PARVG: variants seen among roughly 807,000 people sequenced by gnomAD.
PARVG encodes parvin gamma, also known as gamma-parvin.
A neutral mutation model predicts 44.4 loss-of-function variants in PARVG; 36 were observed. The ratio of observed to expected loss-of-function variants is 0.81; its 90% CI spans 0.62 to 1.07. PARVG has a LOEUF of 1.07. PARVG is among the 50% of genes least tolerant of loss of function. The probability of loss-of-function intolerance (pLI) is 0.00; values close to 1 mark genes in which losing one functional copy is unlikely to be tolerated. For missense variants in PARVG, 407 were observed against 407.4 expected, an observed-to-expected ratio of 1.00 and a Z score of 0.01; for synonymous variants, 170 against 174.1, an observed-to-expected ratio of 0.98 and a Z score of 0.19.
At chr22:44,200,480 C>A (rs1240603952) in intron 12 of PARVG, among the ~76,000 whole-genome samples, 1 of 152,190 alleles carries the variant, frequency 6.6e-6, no homozygotes, top group Non-Finnish European at 1.5e-5. Context: ...CCCTAGTATC[C>A]CCAGGCTTGC....
Position 44,181,111 on chromosome 22 carries a change from G to T in PARVG, c.-263G>T, listed in dbSNP as rs750599255. 113 of 537,318 alleles carry T rather than the reference G, an allele frequency of 2.1e-4. No homozygotes were observed. The highest frequency in any genetic ancestry group is 2.6e-4 in the Non-Finnish European group (111 of 420,462). 33.3% of individuals were successfully genotyped at this position (537,318 alleles called of 1,614,324 possible). ...CCATTCTCCTCTGGAAAGCCTTCCC[G>T]ATCCCCTTGGCAACAACCACCACCA... On this transcript the variant is annotated 5_prime_UTR_variant, in exon 1 of 14. Transcript: ENST00000444313.
Position 44,196,218 on chromosome 22 carries a change from G to A in PARVG, c.642+5G>A. The A allele has an allele frequency of 6.2e-7, 1 of 1,614,176 alleles. No homozygotes were observed. Among genetic ancestry groups the A allele is most frequent in the East Asian group, 2.2e-5 (1 of 44,892 alleles). ...AAAGTGAACGCAGTGAAAGAGGTAG[G>A]AGAGATCAAAGCTCTCAGCGGCTCT... On this transcript the variant is annotated splice_donor_5th_base_variant and intron_variant, in intron 10 of 13. Transcript: ENST00000444313.
intron 4 of PARVG, chr22:44,186,840 A>G (rs1224219144): frequency 2.7e-6 from 1 of 366,956 alleles, no homozygotes; most frequent in African/African-American, 2.1e-5. Flanking sequence ...GCATAGAGCA[A>G]GTTCAGTGCA....
At chr22:44,187,599 G>A in intron 4 of PARVG, 177 bp from the exon 5 acceptor site, 1 of 637,936 alleles carries the variant, frequency 1.6e-6, no homozygotes, top group Non-Finnish European at 2.8e-6. Flanking sequence ...GCAGGAACCT[G>A]GGGCAGGCCC....
chr22:44,200,636 A>C (rs555183692), intron 12 of PARVG, among the ~76,000 whole-genome samples: 67 of 152,114 alleles, frequency 4.4e-4, no homozygotes, highest in Non-Finnish European at 8.8e-4. Flanking sequence ...GGACCTCTTT[A>C]TCTCTCTGCA....
At chr22:44,187,607 C>T (rs930976008) in intron 4 of PARVG, 169 bp from the exon 5 acceptor site, 13 of 656,424 alleles carry the variant, frequency 2.0e-5, no homozygotes, top group Non-Finnish European at 3.3e-5. Context: ...CTGGGGCAGG[C>T]CCCTAACAGC....
At chr22:44,195,953 A>G (rs772382332) in intron 9 of PARVG, 72 of 589,980 alleles carry the variant, frequency 1.2e-4, no homozygotes, top group Non-Finnish European at 1.4e-4. Flanking sequence ...AGGCACAGAG[A>G]GAGACGGTGA....
chr22:44,192,130 G>A lies in PARVG; in HGVS notation c.560+26G>A, dbSNP rs376685117. 4 of 1,611,332 alleles carry A rather than the reference G, an allele frequency of 2.5e-6. No individual in the cohort carries two copies. The South Asian group carries it at 3.3e-5, about 13-fold the overall frequency. On this transcript the variant is annotated intron_variant, in intron 8 of 13. Transcript: ENST00000444313. Reference sequence around the variant, plus strand: ...GTGAGGGAAGGATGAGGGCCCATGGGTGGGGCTGGGGCTCACAGCGGTGGA... The same window carrying A: ...GTGAGGGAAGGATGAGGGCCCATGGATGGGGCTGGGGCTCACAGCGGTGGA...
At chr22:44,188,939 TGGAGGG>T in intron 5 of PARVG, 169 bp from the exon 6 acceptor site, 1 of 674,632 alleles carries the variant, frequency 1.5e-6, no homozygotes, top group Non-Finnish European at 2.3e-6. Flanking sequence ...TCCTGGAAGC[TGGAGGG>T]CATACCCGAT....
chr22:44,198,984 ATCCATCATCTACCTATCTATCCAT>A (rs2054667303), intron 12 of PARVG, among the ~76,000 whole-genome samples: 1 of 104,440 alleles, frequency 9.6e-6, no homozygotes, highest in African/African-American at 3.3e-5. Context: ...CCATCCATCC[ATCCATCATCTACCTATCTATCCAT>A]CCCCATCTAC....
At chr22:44,176,259 C>T (rs185778163), upstream of PARVG, among the ~76,000 whole-genome samples, 126 of 152,290 alleles carry the variant, frequency 8.3e-4, 2 homozygotes, top group African/African-American at 2.8e-3. Flanking sequence ...ATATAACCTA[C>T]GCACATCCTC....
At chr22:44,186,530 T>G in intron 4 of PARVG, 1 of 470,800 alleles carries the variant, frequency 2.1e-6, no homozygotes, top group Non-Finnish European at 4.4e-6. Flanking sequence ...CCCATCCTCC[T>G]TCCTATTCCC....
In PARVG at chr22:44,181,955, G is replaced by C. The variant is rs1378068590; in HGVS notation, c.-13+38G>C. 7.1e-6 allele frequency: 7 copies of C among 985,588 alleles called. No individual in the cohort carries two copies. In the South Asian group the frequency reaches 2.8e-4, roughly 40 times the overall value. 61.1% of individuals were successfully genotyped at this position (985,588 alleles called of 1,614,324 possible). A position where few individuals can be genotyped will look rare whatever the true frequency, so the allele number is the denominator to read the frequency against. On this transcript the variant is annotated intron_variant, in intron 2 of 13. Coordinates refer to ENST00000444313, the MANE Select transcript of PARVG (RefSeq NM_022141.7). ...ATCGGGGCCACCATACTTGAGTGTT[G>C]GGGGTCACGGAGGGAGGGGCCCAGA... is the stretch of plus-strand genomic sequence containing the variant.
chr22:44,182,985 G>C lies in PARVG; in HGVS notation c.-12-333G>C, dbSNP rs945399692. ...ACTTTGTCCTGTCTGGGATAGGGTG[G>C]GGGGTCCCTGGGTAGGGGGCTGGGG... On this transcript the variant is annotated intron_variant, in intron 2 of 13. Transcript: ENST00000444313. The surrounding 1 kb of genome is among the most constrained non-coding windows in gnomAD (Gnocchi z 4.6). 3 of 336,668 alleles carry C rather than the reference G, an allele frequency of 8.9e-6. No individual in the cohort carries two copies. The highest frequency in any genetic ancestry group is 1.6e-5 in the Non-Finnish European group (3 of 183,606). The allele number at this position is 336,668 out of a possible 1,614,324, so 20.9% of individuals were successfully genotyped here.
chr22:44,173,329 C>T, intron 1 of PARVG: 1 of 718,572 alleles, frequency 1.4e-6, no homozygotes, highest in Non-Finnish European at 1.9e-6. Flanking sequence ...CTGGGCCTTG[C>T]ATGCTGACCA....
chr22:44,183,028 G>A (rs1284927541), intron 2 of PARVG: 3 of 415,824 alleles, frequency 7.2e-6, no homozygotes, highest in Admixed American at 9.6e-5. Flanking sequence ...GAGCACGGTG[G>A]GCGGCCGCTC....
intron 4 of PARVG, chr22:44,187,395 C>T (rs2054488437): frequency 1.1e-5 from 3 of 271,128 alleles, no homozygotes; most frequent in South Asian, 4.9e-5. Context: ...CATATTTCTA[C>T]TGACCACCTC....
Position 44,193,803 on chromosome 22 carries a change from C to A in PARVG, c.563C>A (p.Thr188Lys). ...KLVEQLTEYS[T>K]DKDEPPKDVF... The stretch of plus-strand genomic sequence containing the variant: ...TGCTTTTTCCACCCACTGCACAGCA[C>A]AGACAAGGACGAGCCTCCAAGTGAG... The change falls in exon 9 of 14, where the codon ACA (threonine) becomes AAA (lysine). Residue 188 changes from threonine to lysine, a missense_variant and splice_region_variant. Thr to Lys is a moderately conservative substitution (Grantham distance 78). Coordinates refer to ENST00000444313, the MANE Select transcript of PARVG (RefSeq NM_022141.7). 4.3e-6 allele frequency: 7 copies of A among 1,614,074 alleles called. No homozygotes were observed. The highest frequency in any genetic ancestry group is 5.9e-6 in the Non-Finnish European group (7 of 1,179,994).
intron 5 of PARVG, chr22:44,188,295 A>C: frequency 4.8e-6 from 1 of 206,718 alleles, no homozygotes; most frequent in Non-Finnish European, 1.0e-5. Flanking sequence ...GTTCCTCCTC[A>C]GTCTGGAAAG....
Sources: allele counts gnomAD v4.1 joint callset (sites outside exome capture counted in the v4.1 genomes callset), GRCh38; gene constraint gnomAD v4.1.1; non-coding constraint Gnocchi (gnomAD v3.1); transcripts MANE v1.5; gene names NCBI Gene and HGNC (gene_info 2026-07-23, HGNC 2026-07-21).